SEMA5B: variants seen among roughly 807,000 people sequenced by gnomAD.
The protein encoded by SEMA5B is semaphorin-5B.
SEMA5B carries 66 observed loss-of-function variants against 135.0 expected under a neutral mutation model. The observed-to-expected ratio is 0.49, with a 90% CI of 0.40 to 0.60. SEMA5B has a LOEUF of 0.60. Ranked by LOEUF, SEMA5B falls within the 20% of genes least tolerant of loss-of-function variation. The pLI, the probability that SEMA5B is intolerant of heterozygous loss-of-function variation, is 0.00. For missense variants in SEMA5B, 1,501 were observed against 1,566.3 expected, an observed-to-expected ratio of 0.96 and a Z score of 0.70; for synonymous variants, 690 against 639.5, an observed-to-expected ratio of 1.08 and a Z score of -1.19.
At chr3:122,930,152 G>C (rs1204376023) in intron 5 of SEMA5B, among the ~76,000 whole-genome samples, 1 of 152,236 alleles carries the variant, frequency 6.6e-6, no homozygotes, top group Non-Finnish European at 1.5e-5. Context: ...TGCCTGCAGA[G>C]CCCCAGAGGC....
chr3:122,935,685 T>C (rs962123250), intron 5 of SEMA5B, among the ~76,000 whole-genome samples: 4 of 102,686 alleles, frequency 3.9e-5, no homozygotes, highest in African/African-American at 1.0e-4. Flanking sequence ...TTTCTTTCTT[T>C]CTTTTTTTTT....
chr3:122,913,423 T>G lies in SEMA5B; in HGVS notation c.2282A>C (p.Glu761Ala). 6.4e-7 allele frequency: 1 copy of G among 1,566,410 alleles called. No individual in the cohort carries two copies. Among genetic ancestry groups the G allele is most frequent in the Non-Finnish European group, 8.6e-7 (1 of 1,159,812 alleles). ...NGNSCLGCGVEFKTCNPEGCP... is the reference protein window; with the variant it reads ...NGNSCLGCGVAFKTCNPEGCP... ...GCCCTCGGGGTTGCACGTCTTGAAC[T>G]CCTGCGGGTGGCGGCAGAGGCAGCT... The change falls in exon 17 of 23, where the codon GAG (glutamate) becomes GCG (alanine). Residue 761 changes from glutamate (E) to alanine (A), a missense_variant and splice_region_variant. Physicochemically the swap from Glu to Ala is moderately radical, Grantham distance 107. Around this residue, in one of 2 missense-constraint regions of SEMA5B, gnomAD observed 927 missense variants for 881.6 expected, o/e 1.05. Coordinates refer to ENST00000357599, the MANE Select transcript of SEMA5B (RefSeq NM_001031702.4).
intron 1 of SEMA5B, among the ~76,000 whole-genome samples, chr3:122,995,644 G>A (rs1293459304): frequency 2.2e-5 from 3 of 134,398 alleles, no homozygotes; most frequent in African/African-American, 7.7e-5. Flanking sequence ...GGCCATAAAT[G>A]CTCAGGCCAG....
chr3:122,981,580 C>A (rs143589100), intron 1 of SEMA5B, among the ~76,000 whole-genome samples: 1 of 152,208 alleles, frequency 6.6e-6, no homozygotes, highest in African/African-American at 2.4e-5. Context: ...CTCTTCTCAA[C>A]GAACTCCTGA....
intron 1 of SEMA5B, among the ~76,000 whole-genome samples, chr3:122,966,857 CTATTACTAT>C (rs755022370): frequency 3.8e-3 from 336 of 88,190 alleles, no homozygotes; most frequent in Admixed American, 7.6e-3. Context: ...CACACCCGGC[CTATTACTAT>C]TATTATTATT....
chr3:123,013,444 A>C (rs982197476), intron 1 of SEMA5B, among the ~76,000 whole-genome samples: 1 of 152,232 alleles, frequency 6.6e-6, no homozygotes, highest in Non-Finnish European at 1.5e-5. Context: ...CCTGCTATAC[A>C]GAAAGGAACT....
chr3:122,969,070 T>C (rs1278708145), intron 1 of SEMA5B, among the ~76,000 whole-genome samples: 5 of 152,240 alleles, frequency 3.3e-5, no homozygotes, highest in Non-Finnish European at 5.9e-5. Flanking sequence ...CTGTTCTTTT[T>C]TCTATGACAG....
intron 1 of SEMA5B, among the ~76,000 whole-genome samples, chr3:122,998,682 C>G (rs972102309): frequency 2.6e-5 from 4 of 152,188 alleles, no homozygotes; most frequent in African/African-American, 9.7e-5. Context: ...GACTTCATCC[C>G]TGACTCCTGG....
intron 1 of SEMA5B, among the ~76,000 whole-genome samples, chr3:123,006,786 C>A (rs895236492): frequency 1.3e-5 from 2 of 152,100 alleles, no homozygotes; most frequent in African/African-American, 2.4e-5. Context: ...CACCCTCCCC[C>A]CATCTATGTT....
chr3:122,997,430 A>C (rs1942047567), intron 1 of SEMA5B, among the ~76,000 whole-genome samples: 1 of 151,790 alleles, frequency 6.6e-6, no homozygotes, highest in Non-Finnish European at 1.5e-5. Context: ...GACCCGCCTG[A>C]GGTCAGAGCT....
At chr3:122,923,792 A>G in intron 9 of SEMA5B, 40 bp from the exon 10 acceptor site, 1 of 1,612,234 alleles carries the variant, frequency 6.2e-7, no homozygotes, top group South Asian at 1.1e-5. Context: ...CCTCCCTGTA[A>G]GACCTGGCAC....
At chr3:122,961,337 A>G (rs747653271) in intron 1 of SEMA5B, 36 bp from the exon 2 acceptor site, 2 of 1,586,918 alleles carry the variant, frequency 1.3e-6, no homozygotes, top group Non-Finnish European at 1.7e-6. Flanking sequence ...TCATGGATAC[A>G]TGATGAACCA....
chr3:122,981,139 T>C (rs1941509452), intron 1 of SEMA5B, among the ~76,000 whole-genome samples: 1 of 152,258 alleles, frequency 6.6e-6, no homozygotes, highest in Non-Finnish European at 1.5e-5. Context: ...GGACATGTGC[T>C]TGTGCACCCC....
intron 4 of SEMA5B, among the ~76,000 whole-genome samples, chr3:122,941,234 T>C (rs1204074762): frequency 6.6e-6 from 1 of 152,208 alleles, no homozygotes; most frequent in Non-Finnish European, 1.5e-5. Context: ...ACCCACTACA[T>C]TGGCTCTAAG....
intron 5 of SEMA5B, among the ~76,000 whole-genome samples, chr3:122,936,251 C>G (rs945232510): frequency 1.3e-5 from 2 of 152,172 alleles, no homozygotes; most frequent in African/African-American, 4.8e-5. Context: ...GCAGGCGACA[C>G]CCAGGGACGT....
At position 122,923,691 on chromosome 3, in the gene SEMA5B, T is replaced by C; in HGVS notation, c.1198A>G (p.Asn400Asp). Residue 400 changes from asparagine to aspartate, a missense_variant, in exon 10 of 23, where the codon AAT becomes GAT. Coordinates refer to ENST00000357599, the MANE Select transcript of SEMA5B (RefSeq NM_001031702.4). The part of the protein sequence containing the change: ...FNLSAISQAF[N>D]GPFRYQENPR... Reference sequence around the variant, plus strand: ...TTCTCCTGGTAGCGAAATGGGCCATTGAAAGCCTGGGAGATAGCACTGAGG... The same window carrying C: ...TTCTCCTGGTAGCGAAATGGGCCATCGAAAGCCTGGGAGATAGCACTGAGG... 1 of 1,614,036 alleles carries C rather than the reference T, an allele frequency of 6.2e-7. No homozygotes were observed. The highest frequency in any genetic ancestry group is 8.5e-7 in the Non-Finnish European group (1 of 1,179,980).
intron 3 of SEMA5B, among the ~76,000 whole-genome samples, chr3:122,944,602 C>T (rs531386172): frequency 6.6e-5 from 10 of 152,290 alleles, no homozygotes; most frequent in African/African-American, 2.2e-4. Flanking sequence ...AGAGATTGGG[C>T]GGTCAGTGTC....
chr3:123,022,539 A>T (rs1308294670), intron 1 of SEMA5B, among the ~76,000 whole-genome samples: 1 of 152,220 alleles, frequency 6.6e-6, no homozygotes, highest in African/African-American at 2.4e-5. Context: ...CAGAGAGTGG[A>T]GGAGAATCAG....
In SEMA5B at chr3:122,935,090, T is replaced by TA. The variant is rs199769745; in HGVS notation, c.474+4334dup. ...TTTGTGTGTGTATGAAATTACGTGA[T>TA]AAAAAAAAGCATCTTTGTTTGTTTG... On this transcript the variant is annotated intron_variant, in intron 5 of 22. Coordinates refer to ENST00000357599, the MANE Select transcript of SEMA5B (RefSeq NM_001031702.4). Among the ~76,000 whole-genome samples, 146 of 152,002 alleles carry TA rather than the reference T, an allele frequency of 9.6e-4. No individual in the cohort carries two copies. The East Asian group carries it at 0.015, about 15-fold the overall frequency.
Sources: gnomAD v4.1 joint callset for allele counts (sites outside exome capture counted in the v4.1 genomes callset) on GRCh38, gnomAD v4.1.1 for gene constraint, gnomAD v4.1.1 regional missense constraint, MANE v1.5 for transcripts, NCBI Gene and HGNC (gene_info 2026-07-23, HGNC 2026-07-21) for gene names.